Variants in CPS1 observed in about 807,000 individuals in gnomAD.
The protein encoded by CPS1 is carbamoyl-phosphate synthase 1, also known as carbamoyl-phosphate synthase [ammonia], mitochondrial.
Under a neutral mutation model 174.6 loss-of-function variants are expected in CPS1, and 109 were observed. The ratio of observed to expected loss-of-function variants is 0.62; its 90% confidence interval spans 0.53 to 0.73. The LOEUF is 0.73. Ranked by LOEUF, CPS1 falls within the 30% of genes least tolerant of loss-of-function variation. CPS1 has a pLI of 0.00. For missense variants in CPS1, 1,689 were observed against 1,821.9 expected (o/e 0.93, Z 1.33); for synonymous variants, 637 against 632.0 (o/e 1.01, Z -0.12).
intron 23 of CPS1, among the ~76,000 whole-genome samples, chr2:210,639,699 C>T (rs1269621416): frequency 6.9e-6 from 1 of 145,104 alleles, no homozygotes; most frequent in African/African-American, 2.6e-5. Flanking sequence ...CTTTTAAGAA[C>T]TGCCTTAAGA....
At chr2:210,676,497 T>C (rs1222578504) in intron 36 of CPS1, among the ~76,000 whole-genome samples, 1 of 152,242 alleles carries the variant, frequency 6.6e-6, no homozygotes, top group Non-Finnish European at 1.5e-5. Context: ...ATATGTTATT[T>C]GTTAGCGTTC....
intron 17 of CPS1, 90 bp from the exon 18 acceptor site, chr2:210,606,641 A>G (rs977311213): frequency 8.6e-6 from 10 of 1,161,978 alleles, no homozygotes; most frequent in African/African-American, 4.5e-5. Flanking sequence ...AGACTGTTCT[A>G]TGTCTTGCAT....
chr2:210,649,276 A>G (rs2105909807), intron 27 of CPS1, among the ~76,000 whole-genome samples: 1 of 152,334 alleles, frequency 6.6e-6, no homozygotes, highest in East Asian at 1.9e-4. Context: ...GTCTAATAAT[A>G]CTACCTGTTT....
chr2:210,624,428 A>T (rs1292625558), intron 21 of CPS1, among the ~76,000 whole-genome samples: 1 of 152,082 alleles, frequency 6.6e-6, no homozygotes, highest in African/African-American at 2.4e-5. Flanking sequence ...TATATAATGA[A>T]CCTCTTCAGG....
intron 2 of CPS1, among the ~76,000 whole-genome samples, chr2:210,573,759 A>T: frequency 6.6e-6 from 1 of 152,104 alleles, no homozygotes; most frequent in Non-Finnish European, 1.5e-5. Context: ...CGGAGCAAGG[A>T]AAAGAATAGA....
intron 1 of CPS1, among the ~76,000 whole-genome samples, chr2:210,540,985 C>G (rs1000515551): frequency 6.6e-6 from 1 of 152,156 alleles, no homozygotes; most frequent in Non-Finnish European, 1.5e-5. Context: ...TAGTTGACCT[C>G]CCATCTTTTT....
chr2:210,497,904 A>ATG (rs1695036613), intron 1 of CPS1, among the ~76,000 whole-genome samples: 2 of 136,888 alleles, frequency 1.5e-5, no homozygotes, highest in South Asian at 2.4e-4. Context: ...ATATATATAT[A>ATG]TATATATATA....
intron 1 of CPS1, among the ~76,000 whole-genome samples, chr2:210,503,683 T>A (rs768990470): frequency 6.6e-6 from 1 of 152,184 alleles, no homozygotes; most frequent in Non-Finnish European, 1.5e-5. Context: ...ACAATATTCT[T>A]AGAAGGGTGA....
intron 1 of CPS1, among the ~76,000 whole-genome samples, chr2:210,572,208 T>C (rs1341923519): frequency 6.6e-6 from 1 of 151,970 alleles, no homozygotes; most frequent in Non-Finnish European, 1.5e-5. Context: ...GTATATCTTT[T>C]AAAAGGCAAC....
chr2:210,590,303 G>T (rs1698251651), intron 8 of CPS1, 69 bp downstream of exon 8: 7 of 1,603,080 alleles, frequency 4.4e-6, no homozygotes, highest in Non-Finnish European at 6.0e-6. Flanking sequence ...ACCCTCAAAG[G>T]GCTGTGATAC....
At chr2:210,637,909 C>T (rs1700088430) in intron 22 of CPS1, 66 bp downstream of exon 22, 2 of 1,541,758 alleles carry the variant, frequency 1.3e-6, no homozygotes, top group Non-Finnish European at 1.8e-6. Flanking sequence ...CGTAGGCACC[C>T]ATTCAAAAGG....
intron 1 of CPS1, among the ~76,000 whole-genome samples, chr2:210,571,790 A>C (rs1697498708): frequency 6.6e-6 from 1 of 151,878 alleles, no homozygotes; most frequent in Non-Finnish European, 1.5e-5. Context: ...CATGTTATAA[A>C]GCAAGAGGAA....
intron 1 of CPS1, among the ~76,000 whole-genome samples, chr2:210,540,869 T>C (rs1459596856): frequency 6.6e-6 from 1 of 152,198 alleles, no homozygotes; most frequent in African/African-American, 2.4e-5. Flanking sequence ...CTTCACATCC[T>C]AGTTAAGAAT....
chr2:210,553,794 T>C (rs757779218), upstream of CPS1, among the ~76,000 whole-genome samples: 18 of 152,158 alleles, frequency 1.2e-4, no homozygotes, highest in East Asian at 3.9e-4. Context: ...CCAACTCTTA[T>C]AGCCTCAACT....
intron 1 of CPS1, among the ~76,000 whole-genome samples, chr2:210,565,081 T>A: frequency 2.0e-5 from 3 of 152,052 alleles, no homozygotes; most frequent in East Asian, 3.9e-4. Flanking sequence ...ATTTTTGTAA[T>A]TCAGTTTAAT....
At chr2:210,539,474 G>T (rs1299462872) in intron 1 of CPS1, among the ~76,000 whole-genome samples, 1 of 152,048 alleles carries the variant, frequency 6.6e-6, no homozygotes, top group Admixed American at 6.6e-5. Flanking sequence ...GTCTAATCTG[G>T]TAAGTTTTGT....
chr2:210,492,798 A>G (rs1286207378), intron 1 of CPS1, among the ~76,000 whole-genome samples: 1 of 152,178 alleles, frequency 6.6e-6, no homozygotes, highest in Non-Finnish European at 1.5e-5. Flanking sequence ...AACAAACAAT[A>G]TAAAATACAA....
rs74775355 is a variant in CPS1 at position 210,588,053 on chromosome 2, G to A, written c.622-5G>A. The A allele has an allele frequency of 6.2e-7, 1 of 1,612,632 alleles. No homozygotes were observed. The highest frequency in any genetic ancestry group is 8.5e-7 in the Non-Finnish European group (1 of 1,178,958). ...CCTCTCATTCTCTGGTTTTTAAAAT[G>A]GCAGGATGTCAAAGTGTACGGCAAA... is the stretch of plus-strand genomic sequence containing the variant. On this transcript the variant is annotated splice_region_variant and splice_polypyrimidine_tract_variant and intron_variant, in intron 6 of 37. Coordinates refer to ENST00000233072, the MANE Select transcript of CPS1 (RefSeq NM_001875.5).
At chr2:210,486,382 C>T (rs542836217) in intron 1 of CPS1, among the ~76,000 whole-genome samples, 70 of 152,252 alleles carry the variant, frequency 4.6e-4, no homozygotes, top group African/African-American at 1.6e-3. Flanking sequence ...TGAAGAGCAT[C>T]TAATGACTGG....
Sources: allele counts gnomAD v4.1 joint callset (sites outside exome capture counted in the v4.1 genomes callset), GRCh38; gene constraint gnomAD v4.1.1; transcripts MANE v1.5; gene names NCBI Gene and HGNC (gene_info 2026-07-23, HGNC 2026-07-21).